Variants in ADCY5 observed in about 807,000 individuals in gnomAD.
ADCY5 encodes adenylate cyclase 5.
In ADCY5, 30 loss-of-function variants were observed where a neutral mutation model predicts 119.7. That is an observed-to-expected ratio of 0.25 (90% CI 0.19 to 0.34). ADCY5 has a LOEUF of 0.34. ADCY5 is among the 10% of genes least tolerant of loss of function. The pLI is 1.00. For missense variants in ADCY5, 1,324 were observed against 1,775.2 expected, an observed-to-expected ratio of 0.75 and a Z score of 4.57; for synonymous variants, 753 against 762.2, an observed-to-expected ratio of 0.99 and a Z score of 0.20.
chr3:123,373,766 C>CCT (rs1553739732), intron 1 of ADCY5, among the ~76,000 whole-genome samples: 2 of 33,584 alleles, frequency 6.0e-5, no homozygotes, highest in Non-Finnish European at 8.7e-5. Flanking sequence ...ACGCCCCCCC[C>CCT]CCCCCGACCC....
chr3:123,386,412 GC>G (rs1355626394), intron 1 of ADCY5, among the ~76,000 whole-genome samples: 8 of 152,172 alleles, frequency 5.3e-5, no homozygotes, highest in African/African-American at 1.9e-4. Context: ...CCTTCATGCT[GC>G]CACTCCCCAC....
intron 1 of ADCY5, among the ~76,000 whole-genome samples, chr3:123,412,891 C>A (rs1945090700): frequency 6.6e-6 from 1 of 152,166 alleles, no homozygotes; most frequent in African/African-American, 2.4e-5. Flanking sequence ...CAGGAACGTG[C>A]CTGTCAGAAC....
At chr3:123,371,286 T>C (rs1426910167) in intron 1 of ADCY5, among the ~76,000 whole-genome samples, 1 of 152,290 alleles carries the variant, frequency 6.6e-6, no homozygotes, top group African/African-American at 2.4e-5. Context: ...TCCTACAAAA[T>C]AGGGATGATA....
chr3:123,361,632 T>C (rs2081102424), intron 1 of ADCY5, among the ~76,000 whole-genome samples: 1 of 152,122 alleles, frequency 6.6e-6, no homozygotes, highest in African/African-American at 2.4e-5. Flanking sequence ...TCAAGGTTCG[T>C]CCACATGGTA....
At chr3:123,392,584 A>G (rs930395312) in intron 1 of ADCY5, among the ~76,000 whole-genome samples, 6 of 152,256 alleles carry the variant, frequency 3.9e-5, no homozygotes, top group African/African-American at 1.4e-4. Context: ...AAGGCCAGTC[A>G]GCCGATGAGT....
chr3:123,354,711 G>A (rs1038560046), intron 1 of ADCY5, among the ~76,000 whole-genome samples: 1 of 151,984 alleles, frequency 6.6e-6, no homozygotes, highest in Non-Finnish European at 1.5e-5. Context: ...AGAAGATGAG[G>A]AGCTAGCCTC....
In ADCY5 at chr3:123,325,442, G is replaced by A. The variant is rs138891983; in HGVS notation, c.1968C>T (p.Ile656=). ...TQKRKEEKAM[I]AKMNRQRTNS... is the part of the protein sequence containing the mutation. ...TGGTTCTCTGGCGGTTCATCTTGGCGATCATGGCCTTCTCTTCTTTCTGGA... is the reference window on the plus strand; with the variant it reads ...TGGTTCTCTGGCGGTTCATCTTGGCAATCATGGCCTTCTCTTCTTTCTGGA... Residue 656 remains isoleucine, a synonymous_variant, in exon 8 of 21, where the codon ATC becomes ATT. Transcript: ENST00000462833. 3.8e-5 allele frequency: 62 copies of A among 1,614,014 alleles called. No homozygotes were observed. Among genetic ancestry groups the A allele is most frequent in the Admixed American group, 8.3e-5 (5 of 60,006 alleles).
intron 12 of ADCY5, among the ~76,000 whole-genome samples, chr3:123,312,884 C>A (rs1940660086): frequency 6.6e-6 from 1 of 151,180 alleles, no homozygotes; most frequent in African/African-American, 2.5e-5. Context: ...AGAAGTGGAA[C>A]TGTCCACTCT....
intron 15 of ADCY5, among the ~76,000 whole-genome samples, chr3:123,299,130 T>C (rs1388405512): frequency 6.6e-6 from 1 of 152,218 alleles, no homozygotes; most frequent in South Asian, 2.1e-4. Flanking sequence ...GTTGTACCGA[T>C]TGCTGGCATG....
chr3:123,345,769 G>GACAGACAGACACACACAC (rs57198270), intron 3 of ADCY5, among the ~76,000 whole-genome samples: 29 of 113,810 alleles, frequency 2.5e-4, no homozygotes, highest in East Asian at 2.4e-3. Flanking sequence ...CAGACAGACA[G>GACAGACAGACACACACAC]ACACACACAC....
Position 123,439,076 on chromosome 3 carries a change from C to CTTTTTTTTTTTTTTTTTTTTTTTTTTTT in ADCY5, c.1134+8335_1134+8336insAAAAAAAAAAAAAAAAAAAAAAAAAAAA, listed in dbSNP as rs57503913. On this transcript the variant is annotated intron_variant, in intron 1 of 20. Coordinates refer to ENST00000462833, the MANE Select transcript of ADCY5 (RefSeq NM_183357.3). Reference sequence around the variant, plus strand: ...CCCACTGTGCCCAGACCCTAAAGTGCTTTTTTTTTTGAGATGGAGTCTCGC... The same window carrying CTTTTTTTTTTTTTTTTTTTTTTTTTTTT: ...CCCACTGTGCCCAGACCCTAAAGTGCTTTTTTTTTTTTTTTTTTTTTTTTTTTTTTTTTTTTTTGAGATGGAGTCTCGC... Among the ~76,000 whole-genome samples, 2 of 64,734 alleles carry CTTTTTTTTTTTTTTTTTTTTTTTTTTTT rather than the reference C, an allele frequency of 3.1e-5. 1 individual carries two copies. 42.5% of individuals were successfully genotyped at this position (64,734 alleles called of 152,430 possible). A position where few individuals can be genotyped will look rare whatever the true frequency, so the allele number is the denominator to read the frequency against.
chr3:123,417,377 C>T (rs1041459604), intron 1 of ADCY5, among the ~76,000 whole-genome samples: 1 of 152,252 alleles, frequency 6.6e-6, no homozygotes, highest in Non-Finnish European at 1.5e-5. Context: ...AGGGAGATAA[C>T]GGCCCGCTGG....
chr3:123,398,746 A>T (rs1944671778), intron 1 of ADCY5, among the ~76,000 whole-genome samples: 1 of 152,046 alleles, frequency 6.6e-6, no homozygotes, highest in Non-Finnish European at 1.5e-5. Flanking sequence ...CCATGCCATT[A>T]ACCCCCTCCT....
intron 1 of ADCY5, among the ~76,000 whole-genome samples, chr3:123,405,655 G>A (rs1004466645): frequency 6.6e-5 from 10 of 151,820 alleles, no homozygotes; most frequent in African/African-American, 2.2e-4. Flanking sequence ...TTTATTTTGA[G>A]TCAGAGGCTC....
intron 1 of ADCY5, among the ~76,000 whole-genome samples, chr3:123,426,314 G>GGTT (rs1945411225): frequency 7.0e-6 from 1 of 142,848 alleles, no homozygotes. Flanking sequence ...TTTTTTGTTT[G>GGTT]TTTTTGTTTG....
intron 1 of ADCY5, among the ~76,000 whole-genome samples, chr3:123,378,258 TG>T (rs1943910764): frequency 6.6e-6 from 1 of 152,016 alleles, no homozygotes; most frequent in Non-Finnish European, 1.5e-5. Context: ...GGTGAGGAAA[TG>T]GGTCTAGTGT....
At chr3:123,441,437 G>C (rs1451046690) in intron 1 of ADCY5, among the ~76,000 whole-genome samples, 2 of 152,148 alleles carry the variant, frequency 1.3e-5, no homozygotes, top group Non-Finnish European at 2.9e-5. Context: ...CACTGACAGA[G>C]AGCTGGCTAC....
In ADCY5 at chr3:123,439,225, G is replaced by T. The variant is rs1011788606; in HGVS notation, c.1134+8187C>A. Among the ~76,000 whole-genome samples, 5 of 151,560 alleles carry T rather than the reference G, an allele frequency of 3.3e-5. No individual in the cohort carries two copies. The East Asian group carries it at 9.7e-4, about 29-fold the overall frequency. On this transcript the variant is annotated intron_variant, in intron 1 of 20. Coordinates refer to ENST00000462833, the MANE Select transcript of ADCY5 (RefSeq NM_183357.3). ...TGGGACTACAGGCGCCCGCCACCAC[G>T]CCTGTATTTTGTATTTTTAGTAGAG...
At chr3:123,346,607 TTCTCTCTCTCTCTC>T (rs72299981) in intron 3 of ADCY5, among the ~76,000 whole-genome samples, 11 of 128,032 alleles carry the variant, frequency 8.6e-5, no homozygotes, top group African/African-American at 1.6e-4. Flanking sequence ...CAGCCTCACC[TTCTCTCTCTCTCTC>T]TCTCTCTCTC....
Sources: gnomAD v4.1 joint callset for allele counts (sites outside exome capture counted in the v4.1 genomes callset) on GRCh38, gnomAD v4.1.1 for gene constraint, MANE v1.5 for transcripts, NCBI Gene and HGNC (gene_info 2026-07-23, HGNC 2026-07-21) for gene names.